Variants in PTK2B observed in about 807,000 individuals in gnomAD.
The protein encoded by PTK2B is protein tyrosine kinase 2 beta.
Under a neutral mutation model 142.9 loss-of-function variants are expected in PTK2B, and 71 were observed. The ratio of observed to expected loss-of-function variants is 0.50; its 90% CI spans 0.41 to 0.61. The LOEUF (loss-of-function observed/expected upper bound fraction) is 0.61, where lower values mean the gene tolerates loss of function less well. PTK2B is among the 20% of genes least tolerant of loss of function. The probability of loss-of-function intolerance (pLI) is 0.00; values close to 1 mark genes in which losing one functional copy is unlikely to be tolerated. For synonymous variants in PTK2B, 519 were observed against 503.4 expected (o/e 1.03, Z -0.42); for missense variants, 1,105 against 1,320.4 (o/e 0.84, Z 2.53).
At position 27,444,524 on chromosome 8, in the gene PTK2B, G is replaced by T. The variant is rs189295399; in HGVS notation, c.2214+253G>T. Among the ~76,000 whole-genome samples the T allele has an allele frequency of 5.7e-4, 87 of 152,298 alleles. 2 individuals carry two copies. In the South Asian group the frequency reaches 0.012, roughly 20 times the overall value. ...CTGTCTACATCATCTGCTGCTTTGT[G>T]TGCCTGCCTGCTGCTCTCTCCCCAC... On this transcript the variant is annotated intron_variant, in intron 23 of 30. Transcript: ENST00000346049.
intron 11 of PTK2B, 65 bp from the exon 12 acceptor site, chr8:27,434,028 G>T (rs1315990921): frequency 1.9e-6 from 3 of 1,551,766 alleles, no homozygotes; most frequent in African/African-American, 1.4e-5. Flanking sequence ...TAGTGAGGAG[G>T]TCAGTCACCC....
intron 1 of PTK2B, among the ~76,000 whole-genome samples, chr8:27,356,635 A>C (rs558363508): frequency 6.6e-6 from 1 of 152,254 alleles, no homozygotes; most frequent in Non-Finnish European, 1.5e-5. Flanking sequence ...CTCTTGTCAA[A>C]GAGCTGCAGT....
chr8:27,384,323 G>A (rs913704148), intron 1 of PTK2B, among the ~76,000 whole-genome samples: 3 of 152,158 alleles, frequency 2.0e-5, no homozygotes, highest in Non-Finnish European at 4.4e-5. Flanking sequence ...TTATTTTTTA[G>A]CTAGTTGGTT....
At chr8:27,335,309 A>G (rs900822359) in intron 1 of PTK2B, among the ~76,000 whole-genome samples, 1 of 152,190 alleles carries the variant, frequency 6.6e-6, no homozygotes, top group Non-Finnish European at 1.5e-5. Flanking sequence ...AAATGCTTTC[A>G]GGGCCAATTG....
intron 1 of PTK2B, among the ~76,000 whole-genome samples, chr8:27,332,975 C>G (rs935066025): frequency 6.6e-6 from 1 of 152,188 alleles, no homozygotes; most frequent in African/African-American, 2.4e-5. Flanking sequence ...TTATTTAACT[C>G]TAAGTTACTT....
intron 1 of PTK2B, among the ~76,000 whole-genome samples, chr8:27,334,049 C>T (rs1484939976): frequency 1.3e-5 from 2 of 152,136 alleles, no homozygotes; most frequent in Non-Finnish European, 2.9e-5. Context: ...GCTATTGCCT[C>T]CCCTCTTTCC....
At chr8:27,456,999 A>G (rs1249824667) in intron 30 of PTK2B, among the ~76,000 whole-genome samples, 1 of 152,260 alleles carries the variant, frequency 6.6e-6, no homozygotes, top group East Asian at 1.9e-4. Context: ...TCTGTAACAT[A>G]AAACTGAAGG....
At chr8:27,450,267 C>T (rs1308725192) in intron 24 of PTK2B, among the ~76,000 whole-genome samples, 3 of 152,182 alleles carry the variant, frequency 2.0e-5, no homozygotes, top group African/African-American at 4.8e-5. Flanking sequence ...AGACCTGCCA[C>T]CTTGGTCCTT....
At chr8:27,436,687 C>T (rs556006200) in intron 15 of PTK2B, among the ~76,000 whole-genome samples, 1 of 152,118 alleles carries the variant, frequency 6.6e-6, no homozygotes, top group East Asian at 1.9e-4. Context: ...AGTGTCAAGG[C>T]CAGTGATGGG....
chr8:27,440,139 C>A, intron 20 of PTK2B, 98 bp from the exon 21 acceptor site: 1 of 1,272,694 alleles, frequency 7.9e-7, no homozygotes, highest in South Asian at 1.3e-5. Flanking sequence ...ACCGCAGGAG[C>A]TGCTCCTGGT....
At chr8:27,451,371 A>G (rs544558216) in intron 26 of PTK2B, 114 bp from the exon 27 acceptor site, 2 of 1,523,046 alleles carry the variant, frequency 1.3e-6, no homozygotes, top group Non-Finnish European at 1.8e-6. Flanking sequence ...CCCCGACCCC[A>G]TGGCTGTAAT....
intron 1 of PTK2B, among the ~76,000 whole-genome samples, chr8:27,376,776 A>G (rs139187939): frequency 0.02 from 3,074 of 152,330 alleles, 109 homozygotes; most frequent in African/African-American, 0.07. Flanking sequence ...TGGTCTAAAA[A>G]GGGGAGGCAT....
intron 28 of PTK2B, among the ~76,000 whole-genome samples, chr8:27,453,409 C>T (rs1811944694): frequency 6.6e-6 from 1 of 152,220 alleles, no homozygotes; most frequent in African/African-American, 2.4e-5. Flanking sequence ...TGGAGTAGAG[C>T]TCCCTGGTCC....
chr8:27,427,329 A>C (rs1810147216), intron 5 of PTK2B, among the ~76,000 whole-genome samples: 1 of 152,144 alleles, frequency 6.6e-6, no homozygotes, highest in Non-Finnish European at 1.5e-5. Flanking sequence ...GAATCCCTCC[A>C]GCCCCCTTTG....
intron 11 of PTK2B, among the ~76,000 whole-genome samples, chr8:27,433,834 C>A (rs947922548): frequency 2.6e-5 from 4 of 152,206 alleles, no homozygotes; most frequent in Non-Finnish European, 5.9e-5. Flanking sequence ...AAGGCTGGTC[C>A]CGCCTGTGTG....
chr8:27,393,451 G>A (rs1048774248), intron 1 of PTK2B, among the ~76,000 whole-genome samples: 5 of 152,034 alleles, frequency 3.3e-5, no homozygotes, highest in Non-Finnish European at 7.4e-5. Context: ...TGAATCAGGG[G>A]CCAAGGGAGA....
In PTK2B at chr8:27,327,607, T is replaced by C. The variant is rs555535433; in HGVS notation, c.-38+1926T>C. Among the ~76,000 whole-genome samples the C allele has an allele frequency of 2.0e-5, 3 of 152,342 alleles. No homozygotes were observed. In the East Asian group the frequency reaches 5.8e-4, roughly 29 times the overall value. On this transcript the variant is annotated intron_variant, in intron 1 of 30. Transcript: ENST00000346049. ...AACTGCCCAGGCACTCTGAGAACAG[T>C]CTCAGGTCTATCTTGTAACCATTCC... is the stretch of plus-strand genomic sequence containing the variant.
rs2130370242 is a variant in PTK2B at position 27,311,517 on chromosome 8, G to T, written c.-773G>T. ...CCTCCTCAGGTCCGGGCGGGTCCCT[G>T]GCCGGGGTAGCACGGAAGGGTCTCC... On this transcript the variant is annotated 5_prime_UTR_variant, in exon 1 of 36. Coordinates refer to the PTK2B transcript ENST00000397501. 1.2e-5 allele frequency: 6 copies of T among 508,600 alleles called. No homozygotes were observed. In the South Asian group the frequency reaches 1.8e-4, roughly 15 times the overall value. 31.5% of individuals were successfully genotyped at this position (508,600 alleles called of 1,614,324 possible).
At chr8:27,407,306 C>A (rs1432911360) in intron 2 of PTK2B, among the ~76,000 whole-genome samples, 1 of 152,176 alleles carries the variant, frequency 6.6e-6, no homozygotes, top group East Asian at 1.9e-4. Flanking sequence ...CTTCATGATT[C>A]TCTTGCTCCA....
Sources: allele counts gnomAD v4.1 joint callset (sites outside exome capture counted in the v4.1 genomes callset), GRCh38; gene constraint gnomAD v4.1.1; transcripts MANE v1.5; gene names NCBI Gene and HGNC (gene_info 2026-07-23, HGNC 2026-07-21).